The following CHCHD6 variants were observed in gnomAD, a reference collection of about 807,000 sequenced individuals.
CHCHD6 encodes MICOS complex subunit MIC25.
CHCHD6 carries 28 observed loss-of-function variants against 32.3 expected under a neutral mutation model. The ratio of observed to expected loss-of-function variants is 0.87; its 90% CI spans 0.64 to 1.19. The LOEUF (loss-of-function observed/expected upper bound fraction) is 1.19, where lower values mean the gene tolerates loss of function less well. Ranked by LOEUF, CHCHD6 falls within the 50% of genes most tolerant of loss-of-function variation. The pLI is 0.00. For synonymous variants in CHCHD6, 122 were observed against 117.5 expected, an observed-to-expected ratio of 1.04 and a Z score of -0.25; for missense variants, 333 against 307.0, an observed-to-expected ratio of 1.08 and a Z score of -0.63.
At chr3:126,748,305 CCAT>C in intron 4 of CHCHD6, among the ~76,000 whole-genome samples, 1 of 152,276 alleles carries the variant, frequency 6.6e-6, no homozygotes, top group East Asian at 1.9e-4. Context: ...TCAGAAATTA[CCAT>C]GATTGGCTGG....
At chr3:126,784,729 C>A (rs561683538) in intron 4 of CHCHD6, among the ~76,000 whole-genome samples, 1 of 152,208 alleles carries the variant, frequency 6.6e-6, no homozygotes, top group Non-Finnish European at 1.5e-5. Flanking sequence ...GCCAAATAAT[C>A]TGACCCCTCC....
intron 1 of CHCHD6, among the ~76,000 whole-genome samples, chr3:126,719,141 C>T (rs1935159381): frequency 6.6e-6 from 1 of 152,174 alleles, no homozygotes; most frequent in Non-Finnish European, 1.5e-5. Flanking sequence ...TACGGTCTAG[C>T]CTGTGCCTGC....
intron 6 of CHCHD6, among the ~76,000 whole-genome samples, chr3:126,928,851 CATCTA>C (rs1447873302): frequency 6.6e-6 from 1 of 152,216 alleles, no homozygotes; most frequent in Non-Finnish European, 1.5e-5. Context: ...CCCTCAGAGT[CATCTA>C]ATCCAGTTAG....
At chr3:126,819,477 A>C (rs975830025) in intron 4 of CHCHD6, among the ~76,000 whole-genome samples, 1 of 152,194 alleles carries the variant, frequency 6.6e-6, no homozygotes, top group Admixed American at 6.5e-5. Flanking sequence ...TCCTATGAGG[A>C]GGCTATGCAT....
At chr3:126,705,746 G>C (rs556590307) in intron 1 of CHCHD6, among the ~76,000 whole-genome samples, 1 of 152,224 alleles carries the variant, frequency 6.6e-6, no homozygotes, top group Non-Finnish European at 1.5e-5. Flanking sequence ...TAGAAAGACA[G>C]ACTTCAGGAG....
chr3:126,726,325 T>G (rs557674241), intron 1 of CHCHD6, among the ~76,000 whole-genome samples: 1 of 152,318 alleles, frequency 6.6e-6, no homozygotes, highest in South Asian at 2.1e-4. Flanking sequence ...ATTTATCGGT[T>G]AAGTTCGCCG....
At chr3:126,831,878 C>G (rs1243137087) in intron 4 of CHCHD6, among the ~76,000 whole-genome samples, 2 of 152,186 alleles carry the variant, frequency 1.3e-5, no homozygotes, top group Non-Finnish European at 2.9e-5. Context: ...AGCATGTAAT[C>G]TGTGTGCTGA....
intron 5 of CHCHD6, among the ~76,000 whole-genome samples, chr3:126,895,358 T>TAGGA (rs1361943554): frequency 6.6e-6 from 1 of 152,164 alleles, no homozygotes; most frequent in Non-Finnish European, 1.5e-5. Context: ...GGGTGACAGA[T>TAGGA]AGGAATGACC....
chr3:126,868,757 C>T (rs764899317), intron 5 of CHCHD6, among the ~76,000 whole-genome samples: 1 of 152,210 alleles, frequency 6.6e-6, no homozygotes, highest in Non-Finnish European at 1.5e-5. Flanking sequence ...TAATTTGCTC[C>T]ACCTAAGTTA....
At chr3:126,922,840 G>T (rs1365647045) in intron 6 of CHCHD6, among the ~76,000 whole-genome samples, 1 of 152,222 alleles carries the variant, frequency 6.6e-6, no homozygotes, top group African/African-American at 2.4e-5. Flanking sequence ...AAAGATGCAT[G>T]GAGAGAGAGT....
At chr3:126,864,058 ACCT>A (rs1378655669) in intron 5 of CHCHD6, among the ~76,000 whole-genome samples, 6 of 125,926 alleles carry the variant, frequency 4.8e-5, no homozygotes, top group African/African-American at 1.9e-4. Context: ...CTCTACCATC[ACCT>A]CCTCTTCCCC....
At chr3:126,947,043 G>A (rs1387393450) in intron 6 of CHCHD6, among the ~76,000 whole-genome samples, 4 of 152,366 alleles carry the variant, frequency 2.6e-5, no homozygotes, top group East Asian at 3.9e-4. Flanking sequence ...GGCGCTGGGC[G>A]CGCTCCACAG....
chr3:126,857,484 C>A (rs780289148), intron 5 of CHCHD6, among the ~76,000 whole-genome samples: 1 of 152,106 alleles, frequency 6.6e-6, no homozygotes, highest in Admixed American at 6.5e-5. Flanking sequence ...TCCCTGCTGC[C>A]GATCGAACTT....
At chr3:126,717,174 A>G (rs988510762) in intron 1 of CHCHD6, among the ~76,000 whole-genome samples, 13 of 152,072 alleles carry the variant, frequency 8.5e-5, no homozygotes, top group African/African-American at 2.7e-4. Flanking sequence ...GGTTTTCTCA[A>G]GTAGAAGGTG....
At chr3:126,780,107 C>A (rs765499948) in intron 4 of CHCHD6, among the ~76,000 whole-genome samples, 104 of 152,140 alleles carry the variant, frequency 6.8e-4, no homozygotes, top group Non-Finnish European at 1.1e-3. Context: ...AAAACAAAGT[C>A]TCAGTGTGAT....
chr3:126,743,554 A>AG (rs59327106), intron 4 of CHCHD6, among the ~76,000 whole-genome samples: 31,848 of 152,130 alleles, frequency 0.21, 3,653 homozygotes, highest in South Asian at 0.35. Context: ...ACCAGGGATG[A>AG]CTAAAGAGGC....
chr3:126,816,423 C>A (rs945427890), intron 4 of CHCHD6, among the ~76,000 whole-genome samples: 13 of 152,188 alleles, frequency 8.5e-5, no homozygotes, highest in African/African-American at 2.7e-4. Context: ...TTCTCACAAC[C>A]CACATTTTGC....
At chr3:126,914,083 G>A (rs2078134600) in intron 5 of CHCHD6, among the ~76,000 whole-genome samples, 1 of 152,188 alleles carries the variant, frequency 6.6e-6, no homozygotes, top group African/African-American at 2.4e-5. Context: ...CGATGAGTAG[G>A]GTGGTCAGGG....
intron 1 of CHCHD6, among the ~76,000 whole-genome samples, chr3:126,719,924 A>G (rs905340817): frequency 2.6e-5 from 4 of 151,776 alleles, no homozygotes; most frequent in African/African-American, 9.7e-5. Flanking sequence ...CTTGTTGCCC[A>G]GACTGGAGTG....
Sources: allele counts gnomAD v4.1 joint callset (sites outside exome capture counted in the v4.1 genomes callset), GRCh38; gene constraint gnomAD v4.1.1; transcripts MANE v1.5; gene names NCBI Gene and HGNC (gene_info 2026-07-23, HGNC 2026-07-21).